The following RP1 variants were observed in gnomAD, a reference collection of about 807,000 sequenced individuals.
The protein encoded by RP1 is oxygen-regulated protein 1.
RP1 carries 16 observed loss-of-function variants against 14.8 expected under a neutral mutation model. The ratio of observed to expected loss-of-function variants is 1.08; its 90% CI spans 0.73 to 1.65. The LOEUF (loss-of-function observed/expected upper bound fraction) is 1.65, where lower values mean the gene tolerates loss of function less well. Among genes scored for constraint, RP1 ranks in the 40% most tolerant of loss-of-function variants. The pLI, the probability that RP1 is intolerant of heterozygous loss-of-function variation, is 0.00. For missense variants in RP1, 2,631 were observed against 2,535.0 expected (o/e 1.04, Z -0.81); for synonymous variants, 876 against 883.6 (o/e 0.99, Z 0.15).
intron 24 of RP1, among the ~76,000 whole-genome samples, chr8:54,803,715 A>G (rs1207062372): frequency 4.6e-5 from 7 of 152,232 alleles, no homozygotes; most frequent in African/African-American, 1.7e-4. Context: ...TTATGGGAAT[A>G]TACGCATATT....
intron 24 of RP1, among the ~76,000 whole-genome samples, chr8:54,821,041 A>G (rs1811244426): frequency 6.6e-6 from 1 of 152,200 alleles, no homozygotes. Context: ...GCAGACGAGT[A>G]TAGAATAGCA....
chr8:54,580,968 G>T (rs548463585), intron 1 of RP1, among the ~76,000 whole-genome samples: 349 of 152,060 alleles, frequency 2.3e-3, no homozygotes, highest in Non-Finnish European at 3.3e-3. Context: ...TGGAAACAAT[G>T]AAATCAGGAC....
intron 1 of RP1, among the ~76,000 whole-genome samples, chr8:54,600,576 G>C (rs549760337): frequency 6.6e-6 from 1 of 152,184 alleles, no homozygotes; most frequent in Admixed American, 6.5e-5. Context: ...TGGAAGTCTT[G>C]GTTCCCCACT....
Position 54,733,211 on chromosome 8 carries a change from T to G in RP1, c.2522-1334T>G, listed in dbSNP as rs184607362. On this transcript the variant is annotated intron_variant, in intron 17 of 22. Transcript: ENST00000636932. ...CTTATTATGTGACTTGGCTATATTA[T>G]TTAACTTCCCTGCTTCTTTTCCTCT... Among the ~76,000 whole-genome samples, 62 of 152,308 alleles carry G rather than the reference T, an allele frequency of 4.1e-4. 2 individuals are homozygous for G. The highest frequency in any genetic ancestry group is 4.1e-3 in the Admixed American group (62 of 15,286).
chr8:54,861,240 T>TGTTC (rs1302606815), intron 27 of RP1, among the ~76,000 whole-genome samples: 1 of 152,236 alleles, frequency 6.6e-6, no homozygotes, highest in Non-Finnish European at 1.5e-5. Flanking sequence ...GTTCTACCTG[T>TGTTC]GTTCACCTCT....
intron 15 of RP1, among the ~76,000 whole-genome samples, chr8:54,718,408 C>A (rs768903062): frequency 6.6e-6 from 1 of 152,106 alleles, no homozygotes; most frequent in African/African-American, 2.4e-5. Flanking sequence ...TAGAAATAGA[C>A]CCACACAAAT....
At chr8:54,696,572 T>A (rs1807868903) in intron 12 of RP1, 1 of 730,914 alleles carries the variant, frequency 1.4e-6, no homozygotes, top group Non-Finnish European at 2.4e-6. Context: ...CCTACATGAC[T>A]CCTGGCAGCA....
Position 54,626,497 on chromosome 8 carries a change from G to T in RP1, c.2615G>T (p.Arg872Leu). ...SHITLKSQKK[R>L]KGDKVKASAI... The stretch of plus-strand genomic sequence containing the variant: ...ATAACTTTAAAAAGCCAGAAAAAAC[G>T]TAAAGGGGATAAAGTGAAAGCAAGT... Residue 872 changes from arginine to leucine, a missense_variant, in exon 4 of 4, where the codon CGT (arginine) becomes CTT (leucine). Coordinates refer to ENST00000220676, the MANE Select transcript of RP1 (RefSeq NM_006269.2). 1 of 1,613,222 alleles carries T rather than the reference G, an allele frequency of 6.2e-7. No individual in the cohort carries two copies. The highest frequency in any genetic ancestry group is 8.5e-7 in the Non-Finnish European group (1 of 1,179,758).
intron 17 of RP1, among the ~76,000 whole-genome samples, chr8:54,732,439 T>C (rs1184855424): frequency 6.6e-6 from 1 of 152,202 alleles, no homozygotes; most frequent in Non-Finnish European, 1.5e-5. Context: ...TCTCATTAGT[T>C]ATCTTTCAAA....
At chr8:54,581,763 T>C (rs1804797008) in intron 1 of RP1, among the ~76,000 whole-genome samples, 1 of 152,244 alleles carries the variant, frequency 6.6e-6, no homozygotes, top group Non-Finnish European at 1.5e-5. Flanking sequence ...CCAGTGATAA[T>C]GAGCATTTTT....
exon 14 of RP1, chr8:54,701,559 T>C (rs1322736201): frequency 1.3e-6 from 2 of 1,535,824 alleles, no homozygotes; most frequent in Non-Finnish European, 8.7e-7. Context: ...GAGTCGGCAC[T>C]GGTTCCTGGT....
In RP1 at chr8:54,630,595, C is replaced by T. The variant is rs1806227206; in HGVS notation, c.*242C>T. On this transcript the variant is annotated 3_prime_UTR_variant, in exon 4 of 4. Transcript: ENST00000220676. Reference sequence around the variant, plus strand: ...AGTTTCTATCTGGTTTTGTTCTGAACTTACATTTTTTTTTTTTTTGGTATC... The same window carrying T: ...AGTTTCTATCTGGTTTTGTTCTGAATTTACATTTTTTTTTTTTTTGGTATC... 1.6e-6 allele frequency: 2 copies of T among 1,214,474 alleles called. No individual in the cohort carries two copies. The highest frequency in any genetic ancestry group is 2.1e-6 in the Non-Finnish European group (2 of 972,940). 75.2% of individuals were successfully genotyped at this position (1,214,474 alleles called of 1,614,324 possible).
chr8:54,750,906 A>G (rs1282871654), intron 19 of RP1, among the ~76,000 whole-genome samples: 4 of 152,234 alleles, frequency 2.6e-5, no homozygotes, highest in Non-Finnish European at 4.4e-5. Flanking sequence ...GAAATGGAGC[A>G]TGGGAGGGGA....
chr8:54,793,598 A>T (rs1296120202), intron 24 of RP1, among the ~76,000 whole-genome samples: 1 of 151,964 alleles, frequency 6.6e-6, no homozygotes, highest in Admixed American at 6.6e-5. Flanking sequence ...CTCAACAGAT[A>T]CAGAAAAAGC....
chr8:54,812,793 C>CTA, intron 24 of RP1, among the ~76,000 whole-genome samples: 1 of 150,180 alleles, frequency 6.7e-6, no homozygotes, highest in East Asian at 1.9e-4. Flanking sequence ...ATCTATCTAT[C>CTA]TATCTATCTA....
At chr8:54,803,716 T>C (rs1002300883) in intron 24 of RP1, among the ~76,000 whole-genome samples, 1 of 152,236 alleles carries the variant, frequency 6.6e-6, no homozygotes, top group African/African-American at 2.4e-5. Context: ...TATGGGAATA[T>C]ACGCATATTC....
intron 3 of RP1, among the ~76,000 whole-genome samples, chr8:54,643,860 A>G (rs1396759340): frequency 6.6e-6 from 1 of 152,150 alleles, no homozygotes; most frequent in Non-Finnish European, 1.5e-5. Flanking sequence ...CTATAAGGAC[A>G]CTAGTCACCC....
chr8:54,572,584 A>G (rs1355431013), intron 1 of RP1, among the ~76,000 whole-genome samples: 3 of 152,298 alleles, frequency 2.0e-5, no homozygotes, highest in Non-Finnish European at 4.4e-5. Context: ...AAAGCTCTCT[A>G]AGGAGTTGGG....
At chr8:54,580,430 C>G in intron 1 of RP1, among the ~76,000 whole-genome samples, 1 of 150,624 alleles carries the variant, frequency 6.6e-6, no homozygotes, top group East Asian at 2.0e-4. Context: ...CCCCAGCCTC[C>G]AGAGTAGCTG....
Sources: gnomAD v4.1 joint callset for allele counts (sites outside exome capture counted in the v4.1 genomes callset) on GRCh38, gnomAD v4.1.1 for gene constraint, MANE v1.5 for transcripts, NCBI Gene and HGNC (gene_info 2026-07-23, HGNC 2026-07-21) for gene names.